The following HEATR5A variants were observed in gnomAD, a reference collection of about 807,000 sequenced individuals.
HEATR5A encodes the protein HEAT repeat-containing protein 5A.
A neutral mutation model predicts 218.8 loss-of-function variants in HEATR5A; 178 were observed. The observed-to-expected ratio is 0.81, with a 90% CI of 0.72 to 0.92. The LOEUF (loss-of-function observed/expected upper bound fraction) is 0.92, where lower values mean the gene tolerates loss of function less well. Ranked by LOEUF, HEATR5A falls within the 40% of genes least tolerant of loss-of-function variation. HEATR5A has a pLI of 0.00. For synonymous variants in HEATR5A, 864 were observed against 871.6 expected (o/e 0.99, Z 0.15); for missense variants, 2,420 against 2,418.9 (o/e 1.00, Z -0.01).
chr14:31,388,492 T>C (rs2030322554), intron 7 of HEATR5A, among the ~76,000 whole-genome samples: 2 of 152,176 alleles, frequency 1.3e-5, no homozygotes, highest in African/African-American at 4.8e-5. Context: ...GCTAAACAAT[T>C]ATGTATGTAA....
intron 1 of HEATR5A, among the ~76,000 whole-genome samples, chr14:31,417,930 G>T (rs1203402446): frequency 6.6e-6 from 1 of 152,138 alleles, no homozygotes; most frequent in Non-Finnish European, 1.5e-5. Context: ...GTGAGGCTGG[G>T]CGCAGTGGCT....
chr14:31,351,485 C>A (rs1262949909), intron 16 of HEATR5A, among the ~76,000 whole-genome samples: 2 of 147,152 alleles, frequency 1.4e-5, no homozygotes, highest in African/African-American at 5.0e-5. Context: ...AAAGCAAGAT[C>A]CTGTCTCAGA....
At position 31,388,874 on chromosome 14, in the gene HEATR5A, T is replaced by G. The variant is rs769237511; in HGVS notation, c.904A>C (p.Ser302Arg). 1.9e-6 allele frequency: 3 copies of G among 1,613,938 alleles called. No homozygotes were observed. The highest frequency in any genetic ancestry group is 2.5e-6 in the Non-Finnish European group (3 of 1,179,836). Residue 302 changes from serine (S) to arginine (R), a missense_variant, in exon 7 of 36, where the codon AGT (serine) becomes CGT (arginine). By Grantham distance (110) the Ser-to-Arg change is moderately radical (BLOSUM62 -1). Transcript: ENST00000543095. ...GDMLKGTSSVSRDVRVGVTQA... is the reference protein window; with the variant it reads ...GDMLKGTSSVRRDVRVGVTQA... ...GTAACTCCAACTCGAACATCCCTACTGACTGAACTGGTTCCTTTCAGCATA... is the reference window on the plus strand; with the variant it reads ...GTAACTCCAACTCGAACATCCCTACGGACTGAACTGGTTCCTTTCAGCATA...
At chr14:31,419,322 C>G (rs932251896) in intron 1 of HEATR5A, among the ~76,000 whole-genome samples, 8 of 152,074 alleles carry the variant, frequency 5.3e-5, no homozygotes, top group African/African-American at 1.9e-4. Flanking sequence ...TAACACAAAT[C>G]TCGGCTTCGA....
chr14:31,357,875 G>T lies in HEATR5A; in HGVS notation c.2411+762C>A, dbSNP rs377309918. 1.9e-4 allele frequency among the ~76,000 whole-genome samples: 29 copies of T among 152,222 alleles called. No homozygotes were observed. In the South Asian group the frequency reaches 6.0e-3, roughly 32 times the overall value. ...GTATGTGTGTGTGTTCTAAAGCAGG[G>T]GGGCCCCAACCAGTGGGCCACGGAC... On this transcript the variant is annotated intron_variant, in intron 16 of 35. Transcript: ENST00000543095.
chr14:31,323,841 C>A, intron 23 of HEATR5A, 37 bp from the exon 24 acceptor site: 1 of 1,309,136 alleles, frequency 7.6e-7, no homozygotes. Context: ...TTATAATCAA[C>A]TGAAAGATAT....
chr14:31,348,866 A>C (rs1210090646), intron 18 of HEATR5A, among the ~76,000 whole-genome samples: 1 of 152,188 alleles, frequency 6.6e-6, no homozygotes, highest in East Asian at 1.9e-4. Context: ...GTAGGCTCCA[A>C]GGTCAAAGTG....
intron 22 of HEATR5A, among the ~76,000 whole-genome samples, chr14:31,337,028 T>C (rs1023808687): frequency 1.3e-5 from 2 of 152,352 alleles, no homozygotes; most frequent in Middle Eastern, 3.4e-3. Flanking sequence ...TAAACATTTG[T>C]GTATCAAAAC....
intron 13 of HEATR5A, among the ~76,000 whole-genome samples, chr14:31,369,621 A>C (rs1201279944): frequency 2.7e-5 from 4 of 149,288 alleles, no homozygotes; most frequent in African/African-American, 4.9e-5. Flanking sequence ...AAAAAAAAAA[A>C]AAAAAAAAAA....
chr14:31,374,043 C>T (rs774023772), intron 12 of HEATR5A, among the ~76,000 whole-genome samples: 4 of 152,062 alleles, frequency 2.6e-5, no homozygotes, highest in South Asian at 2.1e-4. Context: ...TGGTGACTCA[C>T]GCCTGTAATC....
In HEATR5A at chr14:31,326,232, T is replaced by C. The variant is rs751475637; in HGVS notation, c.3478A>G (p.Thr1160Ala). The C allele has an allele frequency of 1.3e-5, 21 of 1,613,066 alleles. No individual in the cohort carries two copies. Among genetic ancestry groups the C allele is most frequent in the Non-Finnish European group, 7.6e-6 (9 of 1,179,256 alleles). Residue 1160 changes from threonine to alanine, a missense_variant, in exon 23 of 36, where the codon ACA becomes GCA. Coordinates refer to ENST00000543095, the MANE Select transcript of HEATR5A (RefSeq NM_015473.4). ...DIKETLNYMLTSMAVEKLSLW... is the reference protein window; with the variant it reads ...DIKETLNYMLASMAVEKLSLW... ...GAGAGTTTTTCCACTGCCATAGATGTAAGCATATAATTTAAAGTCTCTTTG... is the reference window on the plus strand; with the variant it reads ...GAGAGTTTTTCCACTGCCATAGATGCAAGCATATAATTTAAAGTCTCTTTG...
At position 31,387,175 on chromosome 14, in the gene HEATR5A, C is replaced by T; in HGVS notation, c.1134G>A (p.Gln378=). The change falls in exon 8 of 36, where the codon CAG becomes CAA. Residue 378 remains glutamine (Q), a synonymous_variant. Coordinates refer to ENST00000543095, the MANE Select transcript of HEATR5A (RefSeq NM_015473.4). The part of the protein sequence containing the change: ...TIGGLLGEKA[Q]LAAVKDICQA... ...GGCAAATATCCTTTACAGCAGCAAG[C>T]TGAGCCTTTTCTCCAAGAAGACCAC... is the stretch of plus-strand genomic sequence containing the variant. The T allele has an allele frequency of 6.2e-7, 1 of 1,613,926 alleles. No individual in the cohort carries two copies. The highest frequency in any genetic ancestry group is 8.5e-7 in the Non-Finnish European group (1 of 1,179,864).
intron 1 of HEATR5A, among the ~76,000 whole-genome samples, chr14:31,415,448 C>G (rs552269821): frequency 2.0e-5 from 3 of 152,302 alleles, no homozygotes; most frequent in Admixed American, 2.0e-4. Context: ...GATATTTCTG[C>G]AGCAAAAGAT....
At chr14:31,339,984 TTTAGA>T (rs1349615224) in intron 21 of HEATR5A, among the ~76,000 whole-genome samples, 1 of 152,138 alleles carries the variant, frequency 6.6e-6, no homozygotes, top group Non-Finnish European at 1.5e-5. Flanking sequence ...TCAAACATCT[TTTAGA>T]AAAAGCATGC....
intron 21 of HEATR5A, among the ~76,000 whole-genome samples, chr14:31,343,367 C>T (rs1900906504): frequency 2.0e-5 from 3 of 152,110 alleles, no homozygotes; most frequent in Non-Finnish European, 1.5e-5. Context: ...CTGCGCCTGG[C>T]CAGGGGAAGT....
Position 31,344,065 on chromosome 14 carries a change from C to A in HEATR5A, c.3059G>T (p.Gly1020Val), listed in dbSNP as rs777566733. Residue 1020 changes from glycine to valine, a missense_variant and splice_region_variant, in exon 21 of 36, where the codon GGT (glycine) becomes GTT (valine). Physicochemically the swap from Gly to Val is moderately radical, Grantham distance 109. Coordinates refer to ENST00000543095, the MANE Select transcript of HEATR5A (RefSeq NM_015473.4). ...TAAGGTAGAAATTGAAGTACTGTTA[C>A]CTAAAATAAAAAGCAGAAAGCTTTT... ...LITTLGPELQGNSTSISTLRT... is the reference protein window; with the variant it reads ...LITTLGPELQVNSTSISTLRT... 1.0e-5 allele frequency: 15 copies of A among 1,490,002 alleles called. No individual in the cohort carries two copies. The Admixed American group carries it at 2.0e-4, about 20-fold the overall frequency. The allele number at this position is 1,490,002 out of a possible 1,614,324, so 92.3% of individuals were successfully genotyped here. A position where few individuals can be genotyped will look rare whatever the true frequency, so the allele number is the denominator to read the frequency against.
At chr14:31,334,964 A>AG (rs1900603892) in intron 22 of HEATR5A, among the ~76,000 whole-genome samples, 1 of 148,282 alleles carries the variant, frequency 6.7e-6, no homozygotes, top group Non-Finnish European at 1.5e-5. Context: ...AAAAAAAAAA[A>AG]AGAAAAAGAA....
At position 31,346,940 on chromosome 14, in the gene HEATR5A, T is replaced by C. The variant is rs1220920599; in HGVS notation, c.2868+808A>G. Reference sequence around the variant, plus strand: ...TTTACTGACAGAAATAGGTAAGATATGTACAACGATATGGTAAAGTGGTTA... The same window carrying C: ...TTTACTGACAGAAATAGGTAAGATACGTACAACGATATGGTAAAGTGGTTA... On this transcript the variant is annotated intron_variant, in intron 19 of 35. Transcript: ENST00000543095. Among the ~76,000 whole-genome samples, 6 of 152,194 alleles carry C rather than the reference T, an allele frequency of 3.9e-5. No individual in the cohort carries two copies. The South Asian group carries it at 8.3e-4, about 21-fold the overall frequency.
chr14:31,402,933 T>A lies in HEATR5A; in HGVS notation c.43A>T (p.Asn15Tyr). ...HSLLLNEEAY[N>Y]QLGEVQKAEF... ...GCCTTCTGAACTTCACCTAGTTGAT[T>A]GTATGCTTCTTCATTCAGCAGTAAG... The change falls in exon 2 of 36, where the codon AAT becomes TAT. Residue 15 changes from asparagine to tyrosine, a missense_variant. Physicochemically the swap from Asn to Tyr is moderately radical, Grantham distance 143. Coordinates refer to ENST00000543095, the MANE Select transcript of HEATR5A (RefSeq NM_015473.4). 6.5e-7 allele frequency: 1 copy of A among 1,536,248 alleles called. No homozygotes were observed.
Sources: allele counts gnomAD v4.1 joint callset (sites outside exome capture counted in the v4.1 genomes callset), GRCh38; gene constraint gnomAD v4.1.1; transcripts MANE v1.5; gene names NCBI Gene and HGNC (gene_info 2026-07-23, HGNC 2026-07-21).